ALG9: variants seen among roughly 807,000 people sequenced by gnomAD.
The protein encoded by ALG9 is alpha-1,2-mannosyltransferase ALG9.
In ALG9, 55 loss-of-function variants were observed where a neutral mutation model predicts 81.8. The observed-to-expected ratio is 0.67, with a 90% CI of 0.54 to 0.84. The LOEUF is 0.84. Ranked by LOEUF, ALG9 falls within the 40% of genes least tolerant of loss-of-function variation. The pLI is 0.00. For missense variants in ALG9, 629 were observed against 745.0 expected, an observed-to-expected ratio of 0.84 and a Z score of 1.81; for synonymous variants, 278 against 274.3, an observed-to-expected ratio of 1.01 and a Z score of -0.13.
In ALG9 at chr11:111,870,262, G is replaced by C; in HGVS notation, c.240C>G (p.Asp80Glu). ...CCCAGTAGTTGAATGTTTCATCACAGTCAGAGATGTTGCTCAGGAGAGCAG... is the reference window on the plus strand; with the variant it reads ...CCCAGTAGTTGAATGTTTCATCACACTCAGAGATGTTGCTCAGGAGAGCAG... ...LCAALLSNISDCDETFNYWEP... is the reference protein window; with the variant it reads ...LCAALLSNISECDETFNYWEP... Residue 80 changes from aspartate to glutamate, a missense_variant, in exon 2 of 15, where the codon GAC becomes GAG. This residue lies in a region of ALG9 where 344 missense variants were observed against 390.5 expected (regional missense o/e 0.88). Transcript: ENST00000616540. The C allele has an allele frequency of 6.2e-7, 1 of 1,610,636 alleles. No homozygotes were observed. The highest frequency in any genetic ancestry group is 8.5e-7 in the Non-Finnish European group (1 of 1,179,026).
At chr11:111,836,598 G>A in intron 12 of ALG9, 1 of 372,498 alleles carries the variant, frequency 2.7e-6, no homozygotes, top group South Asian at 2.3e-5. Flanking sequence ...TTACTATGTG[G>A]GCAGAGAGAC....
rs1322777570 is a variant in ALG9 at position 111,784,719 on chromosome 11, A to G, written c.*1678T>C. 1 of 148,642 alleles carries G rather than the reference A, an allele frequency of 6.7e-6. No homozygotes were observed. Among genetic ancestry groups the G allele is most frequent in the Admixed American group, 6.8e-5 (1 of 14,768 alleles). 9.2% of individuals were successfully genotyped at this position (148,642 alleles called of 1,614,324 possible). ...GGCGACAGAATGAGACTCTGTCTCAAAAAAAAAAAGAAAAATGAAAGATGG... is the reference window on the plus strand; with the variant it reads ...GGCGACAGAATGAGACTCTGTCTCAGAAAAAAAAAGAAAAATGAAAGATGG... On this transcript the variant is annotated 3_prime_UTR_variant, in exon 15 of 15. Transcript: ENST00000616540.
At chr11:111,858,245 G>GT (rs1461630820) in intron 5 of ALG9, among the ~76,000 whole-genome samples, 3 of 151,594 alleles carry the variant, frequency 2.0e-5, no homozygotes, top group Non-Finnish European at 3.0e-5. Context: ...TCTCCTTCCT[G>GT]TTTTTTTAGG....
At chr11:111,855,927 C>T (rs1355349970) in intron 6 of ALG9, among the ~76,000 whole-genome samples, 1 of 152,040 alleles carries the variant, frequency 6.6e-6, no homozygotes, top group Non-Finnish European at 1.5e-5. Context: ...AGTAACTCCC[C>T]TCATAAAAAT....
chr11:111,778,816 CTTTT>C (rs61190059), downstream of ALG9, among the ~76,000 whole-genome samples: 2 of 138,592 alleles, frequency 1.4e-5, no homozygotes, highest in African/African-American at 2.6e-5. Flanking sequence ...CTTTTCTTTT[CTTTT>C]TTTTTTTTTT....
chr11:111,818,039 A>C (rs1225517593), intron 13 of ALG9, among the ~76,000 whole-genome samples: 1 of 152,126 alleles, frequency 6.6e-6, no homozygotes, highest in Non-Finnish European at 1.5e-5. Flanking sequence ...TCGGCCTCCC[A>C]AAGTGCTGGG....
At chr11:111,850,642 G>GT (rs1378418885) in intron 8 of ALG9, among the ~76,000 whole-genome samples, 5 of 142,484 alleles carry the variant, frequency 3.5e-5, no homozygotes, top group Admixed American at 7.2e-5. Flanking sequence ...GGGAGGCAGA[G>GT]GTTGCAGTGA....
Position 111,847,542 on chromosome 11 carries a change from G to A in ALG9, c.896-2819C>T, listed in dbSNP as rs190315749. On this transcript the variant is annotated intron_variant, in intron 8 of 14. Transcript: ENST00000616540. ...AGAGAGCACCACTCTTCACTCACCA[G>A]ACAAAAATACTTGCCAGCATCAACA... Among the ~76,000 whole-genome samples the A allele has an allele frequency of 8.1e-4, 123 of 152,280 alleles. 4 individuals are homozygous for A. The highest frequency in any genetic ancestry group is 7.8e-3 in the Admixed American group (119 of 15,288).
chr11:111,770,961 CTGAGTTCTGACACCCACA>C, the ALG9 span: 14 of 152,272 alleles, frequency 9.2e-5, no homozygotes. Context: ...TACAAAAGCA[CTGAGTTCTGACACCCACA>C]TGCAGTTCAC....
At chr11:111,831,964 G>A (rs1954446960) in intron 13 of ALG9, among the ~76,000 whole-genome samples, 1 of 152,172 alleles carries the variant, frequency 6.6e-6, no homozygotes, top group African/African-American at 2.4e-5. Flanking sequence ...GAAACACTAG[G>A]TGAATGCAGA....
intron 9 of ALG9, among the ~76,000 whole-genome samples, chr11:111,841,715 T>TA (rs1301158644): frequency 2.0e-5 from 3 of 152,328 alleles, no homozygotes; most frequent in African/African-American, 7.2e-5. Flanking sequence ...AGATCCACTT[T>TA]AGCTATGCCT....
At chr11:111,795,836 G>C (rs1184917475) in intron 14 of ALG9, among the ~76,000 whole-genome samples, 1 of 152,164 alleles carries the variant, frequency 6.6e-6, no homozygotes, top group Non-Finnish European at 1.5e-5. Flanking sequence ...ATGCTATTAG[G>C]CAACTGGCCA....
intron 10 of ALG9, 132 bp from the exon 11 acceptor site, chr11:111,838,531 C>T (rs538297785): frequency 3.0e-5 from 23 of 777,106 alleles, no homozygotes; most frequent in Non-Finnish European, 4.5e-5. Flanking sequence ...CTACTCCAAA[C>T]TCTAAGATAA....
intron 14 of ALG9, among the ~76,000 whole-genome samples, chr11:111,786,741 C>A (rs910282919): frequency 5.9e-5 from 9 of 152,048 alleles, no homozygotes; most frequent in African/African-American, 2.2e-4. Context: ...CCCTAATAAG[C>A]CACAGTATAT....
At chr11:111,804,484 C>T (rs572140992) in intron 14 of ALG9, among the ~76,000 whole-genome samples, 2 of 152,060 alleles carry the variant, frequency 1.3e-5, no homozygotes, top group East Asian at 1.9e-4. Context: ...CGAGCGCTTT[C>T]GGGGGCTGAG....
chr11:111,832,313 G>A (rs1954510337), intron 13 of ALG9, among the ~76,000 whole-genome samples: 1 of 152,050 alleles, frequency 6.6e-6, no homozygotes, highest in South Asian at 2.1e-4. Context: ...GTCCTGCTAT[G>A]TTGTCCAGGC....
chr11:111,852,310 G>A (rs1271366117), intron 8 of ALG9, among the ~76,000 whole-genome samples: 1 of 152,178 alleles, frequency 6.6e-6, no homozygotes, highest in African/African-American at 2.4e-5. Context: ...TGAGTTGGCT[G>A]ATTTGATCCA....
intron 13 of ALG9, 58 bp downstream of exon 13, chr11:111,836,107 A>G (rs1281883473): frequency 9.3e-6 from 15 of 1,609,698 alleles, no homozygotes; most frequent in Non-Finnish European, 1.3e-5. Context: ...ATACACACCA[A>G]CAGACTTTTA....
the ALG9 span, among the ~76,000 whole-genome samples, chr11:111,772,754 A>G: frequency 6.6e-6 from 1 of 152,238 alleles, no homozygotes; most frequent in Non-Finnish European, 1.5e-5. Context: ...ATTGCAATCA[A>G]TTGAACTTTG....
Sources: gnomAD v4.1 joint callset for allele counts (sites outside exome capture counted in the v4.1 genomes callset) on GRCh38, gnomAD v4.1.1 for gene constraint, gnomAD v4.1.1 regional missense constraint, MANE v1.5 for transcripts, NCBI Gene and HGNC (gene_info 2026-07-23, HGNC 2026-07-21) for gene names.